Variants in CADPS2 observed in about 807,000 individuals in gnomAD.
CADPS2 encodes the protein calcium-dependent secretion activator 2.
Under a neutral mutation model 172.5 loss-of-function variants are expected in CADPS2, and 93 were observed. That is an observed-to-expected ratio of 0.54 (90% confidence interval 0.46 to 0.64). CADPS2 has a LOEUF of 0.64. Among genes scored for constraint, CADPS2 ranks in the 30% least tolerant of loss-of-function variants. The pLI is 0.00. For missense variants in CADPS2, 1,420 were observed against 1,565.9 expected, an observed-to-expected ratio of 0.91 and a Z score of 1.57; for synonymous variants, 546 against 555.2, an observed-to-expected ratio of 0.98 and a Z score of 0.23.
intron 3 of CADPS2, among the ~76,000 whole-genome samples, chr7:122,634,570 C>A (rs150220448): frequency 2.0e-5 from 3 of 152,258 alleles, no homozygotes; most frequent in Non-Finnish European, 4.4e-5. Context: ...CTTTGTTAAT[C>A]TAGCTAGCAG....
chr7:122,843,541 C>G (rs1473450861), intron 1 of CADPS2, among the ~76,000 whole-genome samples: 1 of 152,056 alleles, frequency 6.6e-6, no homozygotes, highest in Non-Finnish European at 1.5e-5. Context: ...GACGGTAACC[C>G]CAGCACAGCA....
intron 14 of CADPS2, among the ~76,000 whole-genome samples, chr7:122,464,987 T>C (rs1387376352): frequency 1.3e-5 from 2 of 152,190 alleles, no homozygotes; most frequent in Admixed American, 6.5e-5. Flanking sequence ...ATGCACTCTT[T>C]TAGTAACTTT....
At position 122,664,961 on chromosome 7, in the gene CADPS2, A is replaced by AT. The variant is rs3034542; in HGVS notation, c.454-1393dup. 6.1e-3 allele frequency among the ~76,000 whole-genome samples: 833 copies of AT among 135,560 alleles called. 1 individual carries two copies. Among genetic ancestry groups the AT allele is most frequent in the African/African-American group, 0.014 (519 of 36,550 alleles). The allele number at this position is 135,560 out of a possible 152,430, so 88.9% of individuals were successfully genotyped here. ...CCATCATGCCTGGGCTAGTTTTTGTATTTTTTTTTTTTTTTTTTGTAGATA... is the reference window on the plus strand; with the variant it reads ...CCATCATGCCTGGGCTAGTTTTTGTATTTTTTTTTTTTTTTTTTTGTAGATA... On this transcript the variant is annotated intron_variant, in intron 2 of 29. Transcript: ENST00000449022.
intron 15 of CADPS2, among the ~76,000 whole-genome samples, chr7:122,450,796 A>G (rs2052988987): frequency 1.3e-5 from 2 of 152,018 alleles, no homozygotes; most frequent in Non-Finnish European, 2.9e-5. Flanking sequence ...TGGCCTCCCA[A>G]AGTGTTGGGA....
chr7:122,869,832 GAA>G (rs1170284403), intron 1 of CADPS2, among the ~76,000 whole-genome samples: 2 of 152,022 alleles, frequency 1.3e-5, no homozygotes, highest in Non-Finnish European at 2.9e-5. Context: ...TTGTGAATGG[GAA>G]AAGAGTAAAA....
At chr7:122,720,680 C>A (rs2090285090) in intron 2 of CADPS2, among the ~76,000 whole-genome samples, 1 of 151,612 alleles carries the variant, frequency 6.6e-6, no homozygotes, top group South Asian at 2.1e-4. Context: ...ACTTTGGGAT[C>A]TTTTAATATA....
chr7:122,755,657 T>C (rs1038290676), intron 1 of CADPS2, among the ~76,000 whole-genome samples: 1 of 151,838 alleles, frequency 6.6e-6, no homozygotes, highest in Non-Finnish European at 1.5e-5. Flanking sequence ...TGAAAAGTTA[T>C]GCTTGGAAGA....
chr7:122,862,290 C>T (rs2141307584), intron 1 of CADPS2, among the ~76,000 whole-genome samples: 2 of 152,350 alleles, frequency 1.3e-5, no homozygotes, highest in Non-Finnish European at 2.9e-5. Context: ...CTATTCTCTG[C>T]TCTGTGCCTT....
At chr7:122,502,383 T>C (rs2059275720) in intron 9 of CADPS2, among the ~76,000 whole-genome samples, 1 of 152,074 alleles carries the variant, frequency 6.6e-6, no homozygotes, top group African/African-American at 2.4e-5. Flanking sequence ...TAAGAACTAA[T>C]ATATTTTGTC....
chr7:122,844,371 TA>T (rs1232363192), intron 1 of CADPS2, among the ~76,000 whole-genome samples: 1 of 152,242 alleles, frequency 6.6e-6, no homozygotes, highest in African/African-American at 2.4e-5. Context: ...TACTCAATGT[TA>T]TGTTAAAAAT....
chr7:122,708,713 A>G (rs2136605088), intron 2 of CADPS2, among the ~76,000 whole-genome samples: 2 of 151,908 alleles, frequency 1.3e-5, no homozygotes, highest in African/African-American at 4.8e-5. Flanking sequence ...TTCTTCATTC[A>G]GAATTCAAGT....
chr7:122,732,659 G>C (rs1588852352), intron 2 of CADPS2, among the ~76,000 whole-genome samples: 1 of 143,924 alleles, frequency 6.9e-6, no homozygotes, highest in Non-Finnish European at 1.5e-5. Context: ...ATATATTTGT[G>C]TATAATATAT....
At chr7:122,564,876 C>CAAAA (rs1038310959) in intron 7 of CADPS2, among the ~76,000 whole-genome samples, 1 of 147,426 alleles carries the variant, frequency 6.8e-6, no homozygotes, top group African/African-American at 2.5e-5. Context: ...CACACACACA[C>CAAAA]AAAACACTAC....
At chr7:122,329,549 T>C (rs886234642) in intron 28 of CADPS2, among the ~76,000 whole-genome samples, 4 of 152,208 alleles carry the variant, frequency 2.6e-5, no homozygotes, top group Non-Finnish European at 4.4e-5. Flanking sequence ...TTCATGCAAG[T>C]TAAAGAGAAG....
At chr7:122,801,009 G>A (rs2501435) in intron 1 of CADPS2, among the ~76,000 whole-genome samples, 28,742 of 101,100 alleles carry the variant, frequency 0.28, 3,207 homozygotes, top group African/African-American at 0.47. Context: ...AAAAAAAAAA[G>A]AAAATTCAAG....
At chr7:122,665,522 A>T (rs2081097842) in intron 2 of CADPS2, among the ~76,000 whole-genome samples, 1 of 152,222 alleles carries the variant, frequency 6.6e-6, no homozygotes, top group Non-Finnish European at 1.5e-5. Context: ...AATGCATTTA[A>T]TACACCTAAC....
chr7:122,765,118 C>T (rs544716033), intron 1 of CADPS2, among the ~76,000 whole-genome samples: 1 of 152,238 alleles, frequency 6.6e-6, no homozygotes, highest in African/African-American at 2.4e-5. Context: ...ACCAATTGGG[C>T]TGTACATGTT....
chr7:122,745,883 T>C (rs2138175303), intron 1 of CADPS2, among the ~76,000 whole-genome samples: 1 of 152,146 alleles, frequency 6.6e-6, no homozygotes, highest in East Asian at 1.9e-4. Flanking sequence ...ACTTAACCTA[T>C]TTTATTAATT....
intron 4 of CADPS2, among the ~76,000 whole-genome samples, chr7:122,624,543 G>C (rs2075896017): frequency 6.6e-6 from 1 of 152,172 alleles, no homozygotes; most frequent in Non-Finnish European, 1.5e-5. Context: ...GGCATCAAGT[G>C]AACTACTGGC....
Sources: gnomAD v4.1 joint callset for allele counts (sites outside exome capture counted in the v4.1 genomes callset) on GRCh38, gnomAD v4.1.1 for gene constraint, MANE v1.5 for transcripts, NCBI Gene and HGNC (gene_info 2026-07-23, HGNC 2026-07-21) for gene names.